DLGAP2: variants seen among roughly 807,000 people sequenced by gnomAD.
DLGAP2 encodes DLG associated protein 2.
DLGAP2 carries 26 observed loss-of-function variants against 100.3 expected under a neutral mutation model. That is an observed-to-expected ratio of 0.26 (90% CI 0.19 to 0.36). The LOEUF (loss-of-function observed/expected upper bound fraction) is 0.36. DLGAP2 is among the 10% of genes least tolerant of loss of function. DLGAP2 has a pLI of 1.00. For missense variants in DLGAP2, 1,858 were observed against 1,453.2 expected, an observed-to-expected ratio of 1.28 and a Z score of -4.53; for synonymous variants, 886 against 630.1, an observed-to-expected ratio of 1.41 and a Z score of -6.08.
intron 3 of DLGAP2, among the ~76,000 whole-genome samples, chr8:1,464,320 C>CAT (rs1798554959): frequency 7.5e-5 from 7 of 93,338 alleles, no homozygotes; most frequent in African/African-American, 2.1e-4. Context: ...CAGGACAACG[C>CAT]CCTTCCAGGA....
At chr8:1,183,309 C>G (rs755708166) in intron 2 of DLGAP2, among the ~76,000 whole-genome samples, 1 of 152,090 alleles carries the variant, frequency 6.6e-6, no homozygotes, top group East Asian at 1.9e-4. Flanking sequence ...AATAAAATAA[C>G]TACATGGGAA....
intron 2 of DLGAP2, among the ~76,000 whole-genome samples, chr8:943,312 C>G (rs956167217): frequency 1.3e-4 from 20 of 151,140 alleles, no homozygotes; most frequent in African/African-American, 4.6e-4. Flanking sequence ...AAAAAAAAAT[C>G]ATACGGCGAG....
intron 2 of DLGAP2, among the ~76,000 whole-genome samples, chr8:1,106,565 T>A (rs1804778163): frequency 6.6e-6 from 1 of 150,712 alleles, no homozygotes. Flanking sequence ...GGTTTTCTAC[T>A]GAAGGGGGCC....
chr8:1,256,169 T>C (rs1464362193), intron 2 of DLGAP2, among the ~76,000 whole-genome samples: 2 of 136,908 alleles, frequency 1.5e-5, no homozygotes, highest in Non-Finnish European at 3.1e-5. Context: ...GTGTGTGTCC[T>C]CTCATCCTGC....
intron 3 of DLGAP2, among the ~76,000 whole-genome samples, chr8:1,287,501 T>G (rs1409642804): frequency 0.15 from 7,796 of 52,632 alleles, 1,615 homozygotes; most frequent in African/African-American, 0.35. Context: ...TGTGTGGTTC[T>G]GTTAGGAGGG....
chr8:1,137,705 C>T (rs1301131762), intron 2 of DLGAP2: 2 of 152,200 alleles, frequency 1.3e-5, no homozygotes, highest in Non-Finnish European at 2.9e-5. Flanking sequence ...GCTCTTTCTA[C>T]TATATAAACT....
chr8:1,183,575 T>A (rs886915167), intron 2 of DLGAP2, among the ~76,000 whole-genome samples: 3 of 152,182 alleles, frequency 2.0e-5, no homozygotes, highest in Admixed American at 1.3e-4. Context: ...CCTCACCATG[T>A]TGCACATGCT....
At chr8:1,208,147 T>C (rs1398862396) in intron 2 of DLGAP2, among the ~76,000 whole-genome samples, 1 of 152,344 alleles carries the variant, frequency 6.6e-6, no homozygotes, top group East Asian at 1.9e-4. Flanking sequence ...TAAGCCAATG[T>C]CTAGAAGGGT....
At chr8:1,567,562 C>G (rs557376784) in intron 6 of DLGAP2, among the ~76,000 whole-genome samples, 1 of 152,288 alleles carries the variant, frequency 6.6e-6, no homozygotes, top group South Asian at 2.1e-4. Flanking sequence ...GTTCCTTCTT[C>G]CACTCATTCA....
intron 6 of DLGAP2, among the ~76,000 whole-genome samples, chr8:1,603,317 A>G (rs1324947625): frequency 4.8e-4 from 53 of 111,240 alleles, no homozygotes; most frequent in South Asian, 6.4e-4. Context: ...TCTCAGTTCT[A>G]CAGAGGCTGG....
At chr8:1,209,114 A>G (rs1436101298) in intron 2 of DLGAP2, among the ~76,000 whole-genome samples, 1 of 152,124 alleles carries the variant, frequency 6.6e-6, no homozygotes, top group African/African-American at 2.4e-5. Flanking sequence ...TCCTATCAAA[A>G]TACCATCATC....
At chr8:1,026,042 C>A (rs1334949648) in intron 2 of DLGAP2, among the ~76,000 whole-genome samples, 1 of 152,218 alleles carries the variant, frequency 6.6e-6, no homozygotes, top group African/African-American at 2.4e-5. Context: ...CCCGTCCAGG[C>A]CGCCTCCAGC....
chr8:943,460 C>T (rs1440548328), intron 2 of DLGAP2, among the ~76,000 whole-genome samples: 19 of 152,214 alleles, frequency 1.2e-4, no homozygotes, highest in Admixed American at 5.2e-4. Context: ...AGTAGAGCTC[C>T]GGTGTGTGGA....
At chr8:1,063,907 C>T (rs997166488) in intron 2 of DLGAP2, among the ~76,000 whole-genome samples, 13 of 152,148 alleles carry the variant, frequency 8.5e-5, no homozygotes, top group African/African-American at 3.1e-4. Flanking sequence ...GGACTCTCTC[C>T]AGCTTGGTGA....
At chr8:1,512,310 T>C (rs1800194373) in intron 4 of DLGAP2, among the ~76,000 whole-genome samples, 1 of 152,208 alleles carries the variant, frequency 6.6e-6, no homozygotes, top group South Asian at 2.1e-4. Context: ...TACACTTACC[T>C]TGACAACATG....
Position 1,550,595 on chromosome 8 carries a change from C to G in DLGAP2, c.1230+912C>G, listed in dbSNP as rs573154206. 5.3e-5 allele frequency among the ~76,000 whole-genome samples: 8 copies of G among 152,248 alleles called. No individual in the cohort carries two copies. The East Asian group carries it at 9.6e-4, about 18-fold the overall frequency. ...CTGGCCACAGCCTCTCTAAGCACCC[C>G]CCACTACAAAAAGCCTGATTATGGA... is the stretch of plus-strand genomic sequence containing the variant. On this transcript the variant is annotated intron_variant, in intron 5 of 14. Transcript: ENST00000637795.
intron 2 of DLGAP2, among the ~76,000 whole-genome samples, chr8:963,112 A>T (rs1003745487): frequency 1.3e-5 from 2 of 152,186 alleles, no homozygotes; most frequent in African/African-American, 4.8e-5. Context: ...CATGAAAAGC[A>T]GCAACAGCGG....
chr8:1,138,005 G>A (rs751919170), intron 2 of DLGAP2, among the ~76,000 whole-genome samples: 19 of 152,082 alleles, frequency 1.2e-4, no homozygotes, highest in Non-Finnish European at 2.5e-4. Context: ...CCATCATGTA[G>A]GATTACAGGC....
intron 2 of DLGAP2, among the ~76,000 whole-genome samples, chr8:1,100,313 C>G (rs921757616): frequency 1.3e-5 from 2 of 149,656 alleles, no homozygotes; most frequent in African/African-American, 2.5e-5. Context: ...GTAGGGAAAA[C>G]CTTTGTCCAG....
Sources: allele counts gnomAD v4.1 joint callset (sites outside exome capture counted in the v4.1 genomes callset), GRCh38; gene constraint gnomAD v4.1.1; transcripts MANE v1.5; gene names NCBI Gene and HGNC (gene_info 2026-07-23, HGNC 2026-07-21).